The following WHRN variants were observed in gnomAD, a reference collection of about 807,000 sequenced individuals.
WHRN encodes the protein CASK-interacting protein CIP98.
Under a neutral mutation model 68.3 loss-of-function variants are expected in WHRN, and 41 were observed. The observed-to-expected ratio is 0.60, with a 90% confidence interval of 0.47 to 0.78. The LOEUF is 0.78. Ranked by LOEUF, WHRN falls within the 30% of genes least tolerant of loss-of-function variation. WHRN has a pLI of 0.00. For missense variants in WHRN, 1,243 were observed against 1,244.7 expected, an observed-to-expected ratio of 1.00 and a Z score of 0.02; for synonymous variants, 560 against 561.3, an observed-to-expected ratio of 1.00 and a Z score of 0.03.
chr9:114,416,482 TAGTG>T (rs1045218899), intron 7 of WHRN, among the ~76,000 whole-genome samples: 12 of 152,326 alleles, frequency 7.9e-5, no homozygotes, highest in East Asian at 3.9e-4. Context: ...GTTCTCGTGA[TAGTG>T]AGTAAGTTCT....
At chr9:114,483,901 G>T (rs1034753566) in intron 1 of WHRN, among the ~76,000 whole-genome samples, 5 of 152,148 alleles carry the variant, frequency 3.3e-5, no homozygotes, top group African/African-American at 1.2e-4. Context: ...GAGAGATCAG[G>T]GGCTCTGGGA....
intron 1 of WHRN, among the ~76,000 whole-genome samples, chr9:114,487,617 T>C (rs1019173697): frequency 1.3e-5 from 2 of 152,180 alleles, no homozygotes; most frequent in African/African-American, 4.8e-5. Context: ...GTATGTGCCA[T>C]CTTGGGGCAT....
At chr9:114,440,998 T>G (rs989944777) in intron 3 of WHRN, among the ~76,000 whole-genome samples, 2 of 152,186 alleles carry the variant, frequency 1.3e-5, no homozygotes, top group African/African-American at 4.8e-5. Context: ...GCTTAATATG[T>G]GCCACAGATT....
chr9:114,480,107 T>C (rs868439006), intron 1 of WHRN, among the ~76,000 whole-genome samples: 1 of 152,112 alleles, frequency 6.6e-6, no homozygotes, highest in African/African-American at 2.4e-5. Flanking sequence ...GTTCCTTTTT[T>C]ATAGCAACTA....
intron 2 of WHRN, among the ~76,000 whole-genome samples, chr9:114,470,202 T>C (rs2133024933): frequency 6.6e-6 from 1 of 152,194 alleles, no homozygotes; most frequent in African/African-American, 2.4e-5. Context: ...TGTCTCAGAG[T>C]CTATTCCCAG....
intron 3 of WHRN, among the ~76,000 whole-genome samples, chr9:114,435,057 C>T (rs544086266): frequency 1.2e-4 from 19 of 152,172 alleles, no homozygotes; most frequent in Admixed American, 2.0e-4. Flanking sequence ...ACCTACTGAA[C>T]GTCCAGGTCT....
At chr9:114,494,483 G>A (rs1843277764) in intron 1 of WHRN, among the ~76,000 whole-genome samples, 1 of 152,242 alleles carries the variant, frequency 6.6e-6, no homozygotes, top group African/African-American at 2.4e-5. Flanking sequence ...AGAGGAATCT[G>A]AGAATCAGAG....
At chr9:114,413,541 G>A (rs1270376039) in intron 7 of WHRN, among the ~76,000 whole-genome samples, 2 of 152,336 alleles carry the variant, frequency 1.3e-5, no homozygotes, top group African/African-American at 4.8e-5. Flanking sequence ...CATGCAGGTG[G>A]CGACGGGGAA....
chr9:114,429,025 G>A (rs767796814), intron 3 of WHRN, among the ~76,000 whole-genome samples: 12 of 152,072 alleles, frequency 7.9e-5, no homozygotes, highest in Non-Finnish European at 1.8e-4. Flanking sequence ...CCACCTCCTG[G>A]GTTCAAGCAA....
chr9:114,499,376 ATTTAAAAAAGAAG>A, intron 1 of WHRN, among the ~76,000 whole-genome samples: 1 of 152,346 alleles, frequency 6.6e-6, no homozygotes, highest in Admixed American at 6.5e-5. Flanking sequence ...TTCCTCAGGA[ATTTAAAAAAGAAG>A]TCAGTTTTGA....
chr9:114,466,371 C>A lies in WHRN; in HGVS notation c.859G>T (p.Gly287Cys), dbSNP rs539341462. ...CGGATCGTGAGGCCCAGGGACCGGC[C>A]GTCCCCCAGCACCAGGTTCACCTGT... The part of the protein sequence containing the change: ...EKKVNLVLGD[G>C]RSLGLTIRGG... Residue 287 changes from glycine (G) to cysteine (C), a missense_variant, in exon 3 of 12, where the codon GGC becomes TGC. Physicochemically the swap from Gly to Cys is radical, Grantham distance 159. Coordinates refer to ENST00000362057, the MANE Select transcript of WHRN (RefSeq NM_015404.4). 2 of 1,614,066 alleles carry A rather than the reference C, an allele frequency of 1.2e-6. No homozygotes were observed. The highest frequency in any genetic ancestry group is 2.7e-5 in the African/African-American group (2 of 75,050).
At chr9:114,460,566 G>A (rs1381061126) in intron 3 of WHRN, among the ~76,000 whole-genome samples, 2 of 152,200 alleles carry the variant, frequency 1.3e-5, no homozygotes, top group Admixed American at 6.5e-5. Flanking sequence ...AAAGAAATAA[G>A]AGATCCGAAG....
Position 114,407,967 on chromosome 9 carries a change from C to A in WHRN, c.1678G>T (p.Ala560Ser). 6.2e-7 allele frequency: 1 copy of A among 1,603,328 alleles called. No individual in the cohort carries two copies. Among genetic ancestry groups the A allele is most frequent in the Non-Finnish European group, 8.5e-7 (1 of 1,174,256 alleles). ...CTTACCACGGACACATCTGGGAGGG[C>A]GTTGATATTGCCCTGGACAGCCTCG... ...TGEAVQGNIN[A>S]LPDVSVDDVR... Residue 560 changes from alanine to serine, a missense_variant, in exon 8 of 12, where the codon GCC (alanine) becomes TCC (serine). Physicochemically the swap from Ala to Ser is moderately conservative, Grantham distance 99. Coordinates refer to ENST00000362057, the MANE Select transcript of WHRN (RefSeq NM_015404.4).
rs753109042 is a variant in WHRN, at chr9:114,478,670, C to T, written c.720G>A (p.Gln240=). 6.2e-7 allele frequency: 1 copy of T among 1,613,346 alleles called. No homozygotes were observed. The highest frequency in any genetic ancestry group is 2.2e-5 in the East Asian group (1 of 44,868). Residue 240 remains glutamine, a synonymous_variant, in exon 2 of 12, where the codon CAG becomes CAA. Coordinates refer to ENST00000362057, the MANE Select transcript of WHRN (RefSeq NM_015404.4). ...TNHIYTWVDP[Q]GRSISPPSGL... is the part of the protein sequence containing the mutation. ...CCGAGGGTGGGGAGATGCTGCGGCCCTGCGGGTCCACCCAGGTGTAGATGT... is the reference window on the plus strand; with the variant it reads ...CCGAGGGTGGGGAGATGCTGCGGCCTTGCGGGTCCACCCAGGTGTAGATGT...
intron 5 of WHRN, among the ~76,000 whole-genome samples, chr9:114,424,756 G>A (rs1363000178): frequency 6.6e-6 from 1 of 152,164 alleles, no homozygotes; most frequent in Non-Finnish European, 1.5e-5. Context: ...AGTAAAACCC[G>A]CATGAGGGCA....
chr9:114,413,335 G>A lies in WHRN; in HGVS notation c.1627-5317C>T, dbSNP rs937378012. On this transcript the variant is annotated intron_variant, in intron 7 of 11. Transcript: ENST00000362057. ...AAGAGCAGGGCAAGTCCGGTGGCACGGCCAGAGCTGGGCTGGGAAGAGGAG... is the reference window on the plus strand; with the variant it reads ...AAGAGCAGGGCAAGTCCGGTGGCACAGCCAGAGCTGGGCTGGGAAGAGGAG... Among the ~76,000 whole-genome samples, 11 of 152,338 alleles carry A rather than the reference G, an allele frequency of 7.2e-5. No homozygotes were observed. In the South Asian group the frequency reaches 8.3e-4, roughly 11 times the overall value.
intron 3 of WHRN, among the ~76,000 whole-genome samples, chr9:114,444,745 A>G (rs913711235): frequency 5.3e-5 from 8 of 151,968 alleles, no homozygotes; most frequent in African/African-American, 1.7e-4. Context: ...TTTTCACTTA[A>G]TATTTTGCAA....
intron 1 of WHRN, among the ~76,000 whole-genome samples, chr9:114,489,156 T>C (rs1842764114): frequency 6.6e-6 from 1 of 152,098 alleles, no homozygotes; most frequent in South Asian, 2.1e-4. Context: ...ATTATTTTAT[T>C]ATCTACACTC....
intron 2 of WHRN, among the ~76,000 whole-genome samples, chr9:114,476,094 A>T (rs1319494206): frequency 6.6e-6 from 1 of 152,168 alleles, no homozygotes; most frequent in Non-Finnish European, 1.5e-5. Flanking sequence ...CCTCCCAAGC[A>T]GCTGGGACCA....
Sources: gnomAD v4.1 joint callset for allele counts (sites outside exome capture counted in the v4.1 genomes callset) on GRCh38, gnomAD v4.1.1 for gene constraint, MANE v1.5 for transcripts, NCBI Gene and HGNC (gene_info 2026-07-23, HGNC 2026-07-21) for gene names.